The following PDGFRL variants were observed in gnomAD, a reference collection of about 807,000 sequenced individuals.
PDGFRL encodes the protein platelet derived growth factor receptor like, also known as platelet-derived growth factor receptor-like protein.
A neutral mutation model predicts 37.2 loss-of-function variants in PDGFRL; 46 were observed. That is an observed-to-expected ratio of 1.24 (90% CI 0.98 to 1.58). The LOEUF (loss-of-function observed/expected upper bound fraction) is 1.58, where lower values mean the gene tolerates loss of function less well. PDGFRL is among the 40% of genes most tolerant of loss of function. The pLI is 0.00. For synonymous variants in PDGFRL, 251 were observed against 184.3 expected (o/e 1.36, Z -2.93); for missense variants, 692 against 467.6 (o/e 1.48, Z -4.43).
chr8:17,589,881 C>T (rs1473797272), intron 2 of PDGFRL, 116 bp downstream of exon 2: 3 of 655,894 alleles, frequency 4.6e-6, no homozygotes, highest in Non-Finnish European at 7.7e-6. Context: ...CCTAATAGAT[C>T]ATAAAAATAG....
At chr8:17,603,003 A>G (rs1804198226) in intron 2 of PDGFRL, among the ~76,000 whole-genome samples, 1 of 152,110 alleles carries the variant, frequency 6.6e-6, no homozygotes, top group Admixed American at 6.5e-5. Flanking sequence ...TTATTTTTGG[A>G]GACAGAGTCT....
At chr8:17,611,059 C>G (rs966500087) in intron 2 of PDGFRL, among the ~76,000 whole-genome samples, 5 of 152,226 alleles carry the variant, frequency 3.3e-5, no homozygotes, top group African/African-American at 1.2e-4. Flanking sequence ...ACAGTCAACT[C>G]ATGTTTCTTT....
chr8:17,590,411 T>C (rs1194944906), intron 2 of PDGFRL, among the ~76,000 whole-genome samples: 1 of 151,120 alleles, frequency 6.6e-6, no homozygotes, highest in Non-Finnish European at 1.5e-5. Context: ...AGATGGATGT[T>C]TAAAAATTCA....
intron 3 of PDGFRL, among the ~76,000 whole-genome samples, chr8:17,628,150 T>G (rs530224514): frequency 6.8e-6 from 1 of 146,508 alleles, no homozygotes. Flanking sequence ...CCCGCCACCA[T>G]GCCCGGCTCA....
At chr8:17,594,263 C>G (rs529274572) in intron 2 of PDGFRL, among the ~76,000 whole-genome samples, 7 of 151,900 alleles carry the variant, frequency 4.6e-5, no homozygotes, top group African/African-American at 1.7e-4. Flanking sequence ...ATTTTTGAGA[C>G]GGAGTCTTGC....
intron 4 of PDGFRL, among the ~76,000 whole-genome samples, chr8:17,633,819 C>T (rs1266412476): frequency 6.6e-6 from 1 of 152,184 alleles, no homozygotes; most frequent in Non-Finnish European, 1.5e-5. Flanking sequence ...CTCTGAGCTT[C>T]CTCTCCTAAT....
chr8:17,585,705 G>A (rs1439612346), intron 1 of PDGFRL, among the ~76,000 whole-genome samples: 5 of 152,208 alleles, frequency 3.3e-5, no homozygotes, highest in African/African-American at 9.6e-5. Flanking sequence ...CAGCTCTAGC[G>A]CTTTGATATT....
intron 5 of PDGFRL, among the ~76,000 whole-genome samples, chr8:17,641,013 T>G (rs1805080949): frequency 6.6e-6 from 1 of 152,036 alleles, no homozygotes; most frequent in Non-Finnish European, 1.5e-5. Context: ...CAGGGGATTA[T>G]GGCTGCTCTG....
intron 1 of PDGFRL, 150 bp from the exon 2 acceptor site, chr8:17,589,318 G>A: frequency 1.5e-6 from 1 of 665,792 alleles, no homozygotes; most frequent in Non-Finnish European, 2.6e-6. Context: ...CCTGGGAGGT[G>A]GAGGTTGCAG....
intron 2 of PDGFRL, among the ~76,000 whole-genome samples, chr8:17,614,025 A>C (rs946942769): frequency 2.0e-5 from 3 of 152,214 alleles, no homozygotes; most frequent in African/African-American, 7.2e-5. Flanking sequence ...CTTGGATAGT[A>C]TGCAAATGTG....
At chr8:17,587,582 C>T (rs1196430190) in intron 1 of PDGFRL, among the ~76,000 whole-genome samples, 1 of 152,190 alleles carries the variant, frequency 6.6e-6, no homozygotes, top group Admixed American at 6.5e-5. Context: ...CTTGCTCTGT[C>T]ACCCAGACTG....
intron 3 of PDGFRL, among the ~76,000 whole-genome samples, chr8:17,627,965 A>T (rs1804766326): frequency 2.9e-5 from 4 of 139,010 alleles, no homozygotes; most frequent in African/African-American, 5.4e-5. Flanking sequence ...GCTTGTACTG[A>T]TACCTTTTCT....
chr8:17,628,754 T>A lies in PDGFRL; in HGVS notation c.773T>A (p.Val258Asp). The part of the protein sequence containing the change: ...AEAGGRSQIS[V>D]KYQLLYVAVP... ...GCCGGGGGCAGATCTCAGATCTCCG[T>A]CAAGTACCAGCTGCTCTATGTGGCG... The change falls in exon 4 of 6, where the codon GTC (valine) becomes GAC (aspartate). Residue 258 changes from valine to aspartate, a missense_variant. Transcript: ENST00000251630. 1 of 1,613,878 alleles carries A rather than the reference T, an allele frequency of 6.2e-7. No individual in the cohort carries two copies. Among genetic ancestry groups the A allele is most frequent in the Non-Finnish European group, 8.5e-7 (1 of 1,179,812 alleles).
At chr8:17,584,299 G>T (rs1474338663) in intron 1 of PDGFRL, among the ~76,000 whole-genome samples, 1 of 152,172 alleles carries the variant, frequency 6.6e-6, no homozygotes, top group African/African-American at 2.4e-5. Flanking sequence ...CTAAATTTGA[G>T]ATGCTAAATT....
intron 2 of PDGFRL, among the ~76,000 whole-genome samples, chr8:17,595,492 C>G (rs1184225462): frequency 3.3e-5 from 5 of 152,218 alleles, no homozygotes; most frequent in Non-Finnish European, 5.9e-5. Context: ...CCCCAACTTT[C>G]TGTCTGGCCT....
intron 2 of PDGFRL, among the ~76,000 whole-genome samples, chr8:17,601,160 T>A (rs1337391952): frequency 6.6e-6 from 1 of 152,230 alleles, no homozygotes; most frequent in Non-Finnish European, 1.5e-5. Flanking sequence ...TGCTACTATC[T>A]AAGCATTTCT....
At chr8:17,633,967 G>A (rs1231361797) in intron 4 of PDGFRL, 107 bp from the exon 5 acceptor site, 1 of 1,176,022 alleles carries the variant, frequency 8.5e-7, no homozygotes, top group Non-Finnish European at 1.3e-6. Flanking sequence ...GGAGCTGTGA[G>A]AAAGGCAGAA....
chr8:17,588,248 A>T (rs1803858367), intron 1 of PDGFRL, among the ~76,000 whole-genome samples: 1 of 152,180 alleles, frequency 6.6e-6, no homozygotes, highest in South Asian at 2.1e-4. Context: ...TTGATAATTT[A>T]TATGTAAGCT....
intron 1 of PDGFRL, among the ~76,000 whole-genome samples, chr8:17,579,667 C>T (rs1296473638): frequency 2.0e-5 from 3 of 151,826 alleles, no homozygotes; most frequent in South Asian, 2.1e-4. Context: ...GTGCTAGCCA[C>T]CACAACTAGC....
Sources: allele counts gnomAD v4.1 joint callset (sites outside exome capture counted in the v4.1 genomes callset), GRCh38; gene constraint gnomAD v4.1.1; transcripts MANE v1.5; gene names NCBI Gene and HGNC (gene_info 2026-07-23, HGNC 2026-07-21).